SMYD3: variants seen among roughly 807,000 people sequenced by gnomAD.
The protein encoded by SMYD3 is histone-lysine N-methyltransferase SMYD3.
In SMYD3, 36 loss-of-function variants were observed where a neutral mutation model predicts 57.7. That is an observed-to-expected ratio of 0.62 (90% CI 0.48 to 0.82). SMYD3 has a LOEUF of 0.82. Ranked by LOEUF, SMYD3 falls within the 40% of genes least tolerant of loss-of-function variation. The pLI is 0.00. For synonymous variants in SMYD3, 211 were observed against 195.0 expected (o/e 1.08, Z -0.68); for missense variants, 515 against 538.8 (o/e 0.96, Z 0.44).
intron 10 of SMYD3, among the ~76,000 whole-genome samples, chr1:245,854,472 T>C (rs2051131856): frequency 6.6e-6 from 1 of 152,174 alleles, no homozygotes; most frequent in Non-Finnish European, 1.5e-5. Flanking sequence ...ATCCATGAGA[T>C]GAAATACTAT....
intron 7 of SMYD3, among the ~76,000 whole-genome samples, chr1:245,916,147 A>G (rs573376616): frequency 3.4e-4 from 52 of 151,964 alleles, no homozygotes; most frequent in African/African-American, 1.3e-3. Context: ...TCTTATTTGT[A>G]TCTAGGTTTG....
At chr1:245,808,712 T>A (rs1005578462) in intron 10 of SMYD3, among the ~76,000 whole-genome samples, 2 of 152,208 alleles carry the variant, frequency 1.3e-5, no homozygotes, top group South Asian at 4.1e-4. Flanking sequence ...TGCTGTCCCA[T>A]CCCAGGACAG....
chr1:246,430,994 C>A (rs780444524), intron 1 of SMYD3, among the ~76,000 whole-genome samples: 15 of 152,114 alleles, frequency 9.9e-5, no homozygotes, highest in Non-Finnish European at 1.8e-4. Context: ...TGAAACATAA[C>A]CCCTGAGATT....
rs559302426 is a variant in SMYD3, at chr1:246,063,645, TTCTC to T, written c.532-133712_532-133709del. ...TCCCTTCCTCCCTCTCTCCCTCCCT[TTCTC>T]TCTCTCTCTCTTAACAGTCTTCCTC... On this transcript the variant is annotated intron_variant, in intron 5 of 11. Transcript: ENST00000490107. Among the ~76,000 whole-genome samples the T allele has an allele frequency of 1.3e-3, 187 of 139,604 alleles. 1 individual carries two copies. The highest frequency in any genetic ancestry group is 4.7e-3 in the African/African-American group (182 of 38,576). The allele number at this position is 139,604 out of a possible 152,430, so 91.6% of individuals were successfully genotyped here. A position where few individuals can be genotyped will look rare whatever the true frequency, so the allele number is the denominator to read the frequency against.
At chr1:246,486,505 T>C (rs2068190328) in intron 1 of SMYD3, among the ~76,000 whole-genome samples, 1 of 152,352 alleles carries the variant, frequency 6.6e-6, no homozygotes, top group Non-Finnish European at 1.5e-5. Context: ...GTGAAGATTA[T>C]AATACCTCAC....
chr1:246,506,978 G>GCCCCCCCCACCCCCCCCCCCCCCCC, intron 1 of SMYD3, 76 bp downstream of exon 1: 13 of 1,174,508 alleles, frequency 1.1e-5, no homozygotes, highest in East Asian at 1.1e-4. Context: ...CGCGGCTGCC[G>GCCCCCCCCACCCCCCCCCCCCCCCC]GCCGCCCGAC....
At chr1:246,048,999 G>A (rs961571272) in intron 5 of SMYD3, among the ~76,000 whole-genome samples, 3 of 152,118 alleles carry the variant, frequency 2.0e-5, no homozygotes, top group Non-Finnish European at 4.4e-5. Flanking sequence ...GGCATACGAC[G>A]AGAGGATTTG....
intron 5 of SMYD3, among the ~76,000 whole-genome samples, chr1:246,003,850 T>C (rs894128892): frequency 6.6e-6 from 1 of 152,226 alleles, no homozygotes; most frequent in Non-Finnish European, 1.5e-5. Flanking sequence ...GAACAAAATA[T>C]AATACAGTCG....
At chr1:246,325,691 A>C (rs577801165) in intron 5 of SMYD3, 8 of 152,344 alleles carry the variant, frequency 5.3e-5, no homozygotes, top group African/African-American at 1.9e-4. Context: ...GTAGCAACAG[A>C]AAGTATTTTA....
At position 246,507,070 on chromosome 1, in the gene SMYD3, C is replaced by T. The variant is rs1310375558; in HGVS notation, c.148G>A (p.Asp50Asn). 1.3e-6 allele frequency: 2 copies of T among 1,508,048 alleles called. No homozygotes were observed. The allele number at this position is 1,508,048 out of a possible 1,614,324, so 93.4% of individuals were successfully genotyped here. The change falls in exon 1 of 12, where the codon GAC (aspartate) becomes AAC (asparagine). Residue 50 changes from aspartate to asparagine, a missense_variant. Asp to Asn is a conservative substitution (Grantham distance 23). Transcript: ENST00000490107. ...VCKGSRGVVC[D>N]RCLLGKEKLM... ...CTTACGCACCCGAGAAGGCAGCGGT[C>T]GCAGACGACGCCACGACTCCCCTTG... is the stretch of plus-strand genomic sequence containing the variant.
chr1:245,762,707 G>T (rs2045902472), intron 11 of SMYD3, among the ~76,000 whole-genome samples: 1 of 152,188 alleles, frequency 6.6e-6, no homozygotes, highest in Non-Finnish European at 1.5e-5. Flanking sequence ...CTAGCATTCG[G>T]CGAAAATGAG....
chr1:246,031,667 G>A (rs2059677760), intron 5 of SMYD3, among the ~76,000 whole-genome samples: 1 of 151,854 alleles, frequency 6.6e-6, no homozygotes, highest in Non-Finnish European at 1.5e-5. Context: ...AACCAGGGAG[G>A]CGGAGGATGC....
At chr1:246,358,674 T>C (rs200095749) in intron 1 of SMYD3, among the ~76,000 whole-genome samples, 39 of 152,238 alleles carry the variant, frequency 2.6e-4, no homozygotes, top group Non-Finnish European at 1.5e-4. Context: ...CTCAAAACCA[T>C]GCAAATATAT....
At chr1:246,213,112 G>T (rs1474729821) in intron 5 of SMYD3, among the ~76,000 whole-genome samples, 1 of 152,142 alleles carries the variant, frequency 6.6e-6, no homozygotes, top group Admixed American at 6.5e-5. Context: ...AAAATTAAAA[G>T]AATTCTGTCA....
intron 5 of SMYD3, among the ~76,000 whole-genome samples, chr1:245,995,518 G>C (rs1187919768): frequency 1.3e-5 from 2 of 152,250 alleles, no homozygotes; most frequent in African/African-American, 4.8e-5. Context: ...AGGGCTGGAT[G>C]ATATTTCAAG....
At chr1:245,897,238 T>C (rs1259515171) in intron 8 of SMYD3, among the ~76,000 whole-genome samples, 5 of 152,226 alleles carry the variant, frequency 3.3e-5, no homozygotes, top group Non-Finnish European at 7.3e-5. Flanking sequence ...CCCTAGCACC[T>C]GACTTAAGGG....
At chr1:245,929,769 A>G in intron 6 of SMYD3, 101 bp downstream of exon 6, 2 of 914,140 alleles carry the variant, frequency 2.2e-6, no homozygotes, top group South Asian at 1.4e-5. Flanking sequence ...TGGCTCTTGA[A>G]CAAGCTGCAG....
At chr1:246,166,036 C>T (rs1336689583) in intron 5 of SMYD3, among the ~76,000 whole-genome samples, 2 of 152,020 alleles carry the variant, frequency 1.3e-5, no homozygotes. Flanking sequence ...GTGACCCACA[C>T]CCCCATTACC....
At chr1:246,399,253 G>A (rs145428608) in intron 1 of SMYD3, among the ~76,000 whole-genome samples, 1 of 151,964 alleles carries the variant, frequency 6.6e-6, no homozygotes, top group African/African-American at 2.4e-5. Flanking sequence ...TGAACTCATG[G>A]CCTCAAATGA....
Sources: gnomAD v4.1 joint callset for allele counts (sites outside exome capture counted in the v4.1 genomes callset) on GRCh38, gnomAD v4.1.1 for gene constraint, MANE v1.5 for transcripts, NCBI Gene and HGNC (gene_info 2026-07-23, HGNC 2026-07-21) for gene names.